The following MTMR7 variants were observed in gnomAD, a reference collection of about 807,000 sequenced individuals.
MTMR7 encodes the protein phosphatidylinositol-3-phosphate phosphatase MTMR7.
A neutral mutation model predicts 81.2 loss-of-function variants in MTMR7; 76 were observed. The observed-to-expected ratio is 0.94, with a 90% CI of 0.78 to 1.13. The LOEUF (loss-of-function observed/expected upper bound fraction) is 1.13. Ranked by LOEUF, MTMR7 falls within the 50% of genes most tolerant of loss-of-function variation. The probability of loss-of-function intolerance (pLI) is 0.00; values close to 1 mark genes in which losing one functional copy is unlikely to be tolerated. For missense variants in MTMR7, 1,044 were observed against 820.0 expected (o/e 1.27, Z -3.34); for synonymous variants, 372 against 289.8 (o/e 1.28, Z -2.88).
At chr8:17,371,862 T>G (rs200897724) in intron 2 of MTMR7, among the ~76,000 whole-genome samples, 3 of 150,430 alleles carry the variant, frequency 2.0e-5, no homozygotes, top group South Asian at 4.2e-4. Flanking sequence ...TTTTTTTTTT[T>G]TTTTTTTTTT....
chr8:17,387,210 T>A (rs725947), intron 1 of MTMR7, among the ~76,000 whole-genome samples: 61,144 of 152,088 alleles, frequency 0.4, 13,225 homozygotes, highest in Admixed American at 0.56. Context: ...ATCCCAGATA[T>A]CCCAGGTATT....
rs1410979712 is a variant in MTMR7 at position 17,413,296 on chromosome 8, T to C, written c.-4A>G. The C allele has an allele frequency of 2.6e-6, 4 of 1,545,784 alleles. No homozygotes were observed. The highest frequency in any genetic ancestry group is 1.4e-5 in the African/African-American group (1 of 72,680). ...TGGGCGTACGGATGTGCTCCATGGC[T>C]GGCCCACGTCTGCAGGGTCCCGGGC... On this transcript the variant is annotated 5_prime_UTR_variant, in exon 1 of 14. Transcript: ENST00000180173.
chr8:17,406,094 T>G (rs1327689219), intron 1 of MTMR7, among the ~76,000 whole-genome samples: 1 of 152,124 alleles, frequency 6.6e-6, no homozygotes, highest in African/African-American at 2.4e-5. Flanking sequence ...AAAGGCTTTC[T>G]AGAAAATATA....
intron 1 of MTMR7, among the ~76,000 whole-genome samples, chr8:17,396,614 G>A (rs1404816751): frequency 2.6e-5 from 4 of 152,118 alleles, no homozygotes; most frequent in African/African-American, 9.7e-5. Flanking sequence ...AGGCTAAAGT[G>A]CTCCCAGGTC....
chr8:17,378,347 A>AGAG (rs1820653791), intron 1 of MTMR7, among the ~76,000 whole-genome samples: 1 of 152,252 alleles, frequency 6.6e-6, no homozygotes, highest in Non-Finnish European at 1.5e-5. Context: ...GTCAGAAAGC[A>AGAG]CTGTTCAGGG....
chr8:17,372,532 G>C (rs959260025), intron 2 of MTMR7, among the ~76,000 whole-genome samples: 2 of 152,074 alleles, frequency 1.3e-5, no homozygotes, highest in Non-Finnish European at 2.9e-5. Context: ...AGGCTGCAGT[G>C]AGCTGAGATC....
chr8:17,334,325 C>T (rs1433401205), intron 6 of MTMR7, among the ~76,000 whole-genome samples: 1 of 152,160 alleles, frequency 6.6e-6, no homozygotes, highest in Non-Finnish European at 1.5e-5. Context: ...CAGTAAGATA[C>T]GGCATCCCTT....
At chr8:17,308,259 T>C (rs7000979) in intron 10 of MTMR7, among the ~76,000 whole-genome samples, 53,446 of 151,894 alleles carry the variant, frequency 0.35, 10,236 homozygotes, top group African/African-American at 0.5. Context: ...TCCATATTCT[T>C]TCTGTCATCT....
chr8:17,376,271 T>C (rs1343362666), intron 1 of MTMR7, among the ~76,000 whole-genome samples: 1 of 152,240 alleles, frequency 6.6e-6, no homozygotes, highest in Non-Finnish European at 1.5e-5. Context: ...GTACCAGTGC[T>C]TTACTTTTTG....
intron 1 of MTMR7, among the ~76,000 whole-genome samples, chr8:17,374,478 G>A (rs1435918436): frequency 2.6e-5 from 4 of 151,830 alleles, no homozygotes; most frequent in African/African-American, 4.8e-5. Flanking sequence ...GAAATTAGCC[G>A]GGTGTGTTGG....
At chr8:17,312,665 C>G (rs967525353) in intron 8 of MTMR7, among the ~76,000 whole-genome samples, 1 of 151,368 alleles carries the variant, frequency 6.6e-6, no homozygotes, top group Non-Finnish European at 1.5e-5. Context: ...GCCTTATTCA[C>G]ATCACATCTG....
At chr8:17,405,739 T>C (rs1433458079) in intron 1 of MTMR7, among the ~76,000 whole-genome samples, 1 of 151,962 alleles carries the variant, frequency 6.6e-6, no homozygotes, top group Non-Finnish European at 1.5e-5. Flanking sequence ...TAATGTGGAC[T>C]ATGTGGTTAA....
chr8:17,334,355 A>G (rs186736636), intron 6 of MTMR7, among the ~76,000 whole-genome samples: 2 of 152,348 alleles, frequency 1.3e-5, no homozygotes, highest in Admixed American at 1.3e-4. Context: ...AATCGCTATT[A>G]CTACATCAAA....
chr8:17,319,007 T>C (rs148339966), intron 7 of MTMR7, among the ~76,000 whole-genome samples: 142 of 152,378 alleles, frequency 9.3e-4, no homozygotes, highest in African/African-American at 3.2e-3. Context: ...CAGCAGGGAT[T>C]TCACATTAGC....
chr8:17,300,348 G>A, intron 13 of MTMR7, 124 bp from the exon 14 acceptor site: 2 of 1,085,418 alleles, frequency 1.8e-6, no homozygotes, highest in South Asian at 1.7e-5. Flanking sequence ...TGACTCAGAG[G>A]GATGTGAGTT....
intron 7 of MTMR7, among the ~76,000 whole-genome samples, chr8:17,327,988 A>C (rs1168490893): frequency 6.6e-6 from 1 of 152,240 alleles, no homozygotes; most frequent in East Asian, 1.9e-4. Context: ...GAAGTGTGGC[A>C]AAGAGCAGTT....
intron 1 of MTMR7, among the ~76,000 whole-genome samples, chr8:17,380,106 G>A (rs957162839): frequency 2.0e-5 from 3 of 152,126 alleles, no homozygotes; most frequent in Non-Finnish European, 4.4e-5. Context: ...AGAAGGGACT[G>A]TGAAAATGCA....
Position 17,300,047 on chromosome 8 carries a change from C to A in MTMR7, c.1798G>T (p.Asp600Tyr). The change falls in exon 14 of 14, where the codon GAT (aspartate) becomes TAT (tyrosine). Residue 600 changes from aspartate (D) to tyrosine (Y), a missense_variant. Coordinates refer to ENST00000180173, the MANE Select transcript of MTMR7 (RefSeq NM_004686.5). ...PSRSPSQGDEDSALILTQDNL... is the reference protein window; with the variant it reads ...PSRSPSQGDEYSALILTQDNL... Reference sequence around the variant, plus strand: ...TCTTGGGTTAGAATCAGAGCAGAATCTTCATCGCCTTGTGAAGGGCTCCGG... The same window carrying A: ...TCTTGGGTTAGAATCAGAGCAGAATATTCATCGCCTTGTGAAGGGCTCCGG... 3 of 1,614,138 alleles carry A rather than the reference C, an allele frequency of 1.9e-6. No individual in the cohort carries two copies. Among genetic ancestry groups the A allele is most frequent in the Non-Finnish European group, 2.5e-6 (3 of 1,180,012 alleles).
At chr8:17,301,293 G>A (rs1343719654) in intron 13 of MTMR7, among the ~76,000 whole-genome samples, 8 of 152,214 alleles carry the variant, frequency 5.3e-5, no homozygotes, top group Admixed American at 4.6e-4. Context: ...GAGGGATGAA[G>A]TGGTAAGGTT....
Sources: allele counts gnomAD v4.1 joint callset (sites outside exome capture counted in the v4.1 genomes callset), GRCh38; gene constraint gnomAD v4.1.1; transcripts MANE v1.5; gene names NCBI Gene and HGNC (gene_info 2026-07-23, HGNC 2026-07-21).